Variants in CHSY3 observed in about 807,000 individuals in gnomAD.
CHSY3 encodes chondroitin sulfate synthase 3.
A neutral mutation model predicts 67.2 loss-of-function variants in CHSY3; 35 were observed. The ratio of observed to expected loss-of-function variants is 0.52; its 90% CI spans 0.40 to 0.69. The LOEUF (loss-of-function observed/expected upper bound fraction) is 0.69. Ranked by LOEUF, CHSY3 falls within the 30% of genes least tolerant of loss-of-function variation. CHSY3 has a pLI of 0.00. For missense variants in CHSY3, 1,069 were observed against 1,138.5 expected (o/e 0.94, Z 0.88); for synonymous variants, 474 against 434.7 (o/e 1.09, Z -1.12).
At chr5:130,093,248 A>G (rs770981532) in intron 2 of CHSY3, among the ~76,000 whole-genome samples, 1 of 152,142 alleles carries the variant, frequency 6.6e-6, no homozygotes, top group Middle Eastern at 3.2e-3. Flanking sequence ...CACAGACTAT[A>G]AGAGAATTAA....
At chr5:130,137,852 TAA>T (rs1768716164) in intron 2 of CHSY3, among the ~76,000 whole-genome samples, 1 of 152,162 alleles carries the variant, frequency 6.6e-6, no homozygotes, top group Non-Finnish European at 1.5e-5. Flanking sequence ...ATACCCAATC[TAA>T]AGAGTCCAGA....
At chr5:129,966,593 T>A (rs1379728973) in intron 2 of CHSY3, among the ~76,000 whole-genome samples, 4 of 151,740 alleles carry the variant, frequency 2.6e-5, no homozygotes, top group African/African-American at 7.2e-5. Context: ...CTCGGAGGTA[T>A]GAAAATTGAA....
intron 2 of CHSY3, among the ~76,000 whole-genome samples, chr5:130,130,197 C>T (rs1768435570): frequency 6.6e-6 from 1 of 151,878 alleles, no homozygotes; most frequent in African/African-American, 2.4e-5. Context: ...GTAAATATTC[C>T]CCCTTAAGTT....
At chr5:130,121,950 C>T (rs1768042409) in intron 2 of CHSY3, among the ~76,000 whole-genome samples, 1 of 151,992 alleles carries the variant, frequency 6.6e-6, no homozygotes, top group African/African-American at 2.4e-5. Flanking sequence ...GCTCAGCACC[C>T]TCAGCTGCAC....
intron 2 of CHSY3, among the ~76,000 whole-genome samples, chr5:130,013,299 G>T (rs1014303394): frequency 3.3e-5 from 5 of 152,146 alleles, no homozygotes; most frequent in Non-Finnish European, 7.3e-5. Context: ...CCATTCTGGA[G>T]TTTGGAGGAC....
At chr5:130,042,955 A>G (rs187617308) in intron 2 of CHSY3, among the ~76,000 whole-genome samples, 2 of 152,268 alleles carry the variant, frequency 1.3e-5, no homozygotes. Flanking sequence ...AAGAACTGGG[A>G]TAGCAAAGTT....
chr5:130,125,225 G>A lies in CHSY3; in HGVS notation c.1087-59004G>A, dbSNP rs77595882. Among the ~76,000 whole-genome samples the A allele has an allele frequency of 7.7e-3, 1,167 of 152,266 alleles. 14 individuals carry two copies. Among genetic ancestry groups the A allele is most frequent in the African/African-American group, 0.027 (1,113 of 41,560 alleles). Reference sequence around the variant, plus strand: ...CTCACATCCTGTTGTTATCACTTAAGATTGGACAGATTGAGTCCTCATCTC... The same window carrying A: ...CTCACATCCTGTTGTTATCACTTAAAATTGGACAGATTGAGTCCTCATCTC... On this transcript the variant is annotated intron_variant, in intron 2 of 2. Coordinates refer to ENST00000305031, the MANE Select transcript of CHSY3 (RefSeq NM_175856.5).
intron 2 of CHSY3, among the ~76,000 whole-genome samples, chr5:129,986,471 T>C (rs1055879696): frequency 1.3e-5 from 2 of 152,136 alleles, no homozygotes; most frequent in Non-Finnish European, 2.9e-5. Flanking sequence ...ATCCGGGATA[T>C]TGGCCTAAAG....
At chr5:130,138,187 G>A (rs1478236169) in intron 2 of CHSY3, among the ~76,000 whole-genome samples, 2 of 152,178 alleles carry the variant, frequency 1.3e-5, no homozygotes, top group Non-Finnish European at 2.9e-5. Flanking sequence ...AGCTCCTTGG[G>A]CAGAAGTGTG....
intron 2 of CHSY3, among the ~76,000 whole-genome samples, chr5:130,102,098 T>A (rs188746505): frequency 2.9e-4 from 44 of 152,264 alleles, no homozygotes; most frequent in Admixed American, 2.2e-3. Flanking sequence ...GGGCTTGATA[T>A]CTTTCACAAG....
chr5:130,026,973 G>A (rs1006971404), intron 2 of CHSY3, among the ~76,000 whole-genome samples: 5 of 152,258 alleles, frequency 3.3e-5, no homozygotes, highest in African/African-American at 9.6e-5. Flanking sequence ...GGGATGCCTA[G>A]TGCTGTCTTT....
At chr5:129,979,780 C>T (rs1201631974) in intron 2 of CHSY3, among the ~76,000 whole-genome samples, 1 of 152,118 alleles carries the variant, frequency 6.6e-6, no homozygotes, top group African/African-American at 2.4e-5. Context: ...TCCCTGGTAA[C>T]CATTTATCTT....
At chr5:129,947,820 G>A (rs757375965) in intron 2 of CHSY3, among the ~76,000 whole-genome samples, 10 of 152,136 alleles carry the variant, frequency 6.6e-5, no homozygotes, top group Non-Finnish European at 1.3e-4. Flanking sequence ...ACAAGTGCGA[G>A]GTGAAATCTT....
At chr5:130,047,225 T>C (rs1213034318) in intron 2 of CHSY3, among the ~76,000 whole-genome samples, 1 of 152,108 alleles carries the variant, frequency 6.6e-6, no homozygotes, top group Non-Finnish European at 1.5e-5. Flanking sequence ...TATTCAATAA[T>C]GTATTGAAAT....
chr5:130,125,555 C>A (rs1399402137), intron 2 of CHSY3, among the ~76,000 whole-genome samples: 1 of 152,126 alleles, frequency 6.6e-6, no homozygotes, highest in African/African-American at 2.4e-5. Flanking sequence ...AAATGAAATG[C>A]TGAGCTATAC....
At chr5:129,924,923 A>G (rs1341532770) in intron 2 of CHSY3, among the ~76,000 whole-genome samples, 1 of 152,184 alleles carries the variant, frequency 6.6e-6, no homozygotes, top group Non-Finnish European at 1.5e-5. Context: ...CCTCTTTAAT[A>G]TGTCTCATTT....
chr5:129,914,080 G>GC (rs1443240942), intron 2 of CHSY3, among the ~76,000 whole-genome samples: 1 of 152,062 alleles, frequency 6.6e-6, no homozygotes, highest in Non-Finnish European at 1.5e-5. Context: ...TAGGGCTGCT[G>GC]CACATCCTTC....
intron 2 of CHSY3, among the ~76,000 whole-genome samples, chr5:130,042,090 G>A (rs911587718): frequency 6.6e-6 from 1 of 151,990 alleles, no homozygotes; most frequent in African/African-American, 2.4e-5. Flanking sequence ...AAGAAAATTA[G>A]CTGGACATGG....
chr5:130,016,395 A>G (rs987737134), intron 2 of CHSY3, among the ~76,000 whole-genome samples: 1 of 152,108 alleles, frequency 6.6e-6, no homozygotes, highest in Non-Finnish European at 1.5e-5. Flanking sequence ...CATTATTAGT[A>G]GTAGTATTTT....
Sources: allele counts gnomAD v4.1 joint callset (sites outside exome capture counted in the v4.1 genomes callset), GRCh38; gene constraint gnomAD v4.1.1; transcripts MANE v1.5; gene names NCBI Gene and HGNC (gene_info 2026-07-23, HGNC 2026-07-21).